The following KIAA0930 variants were observed in gnomAD, a reference collection of about 807,000 sequenced individuals.
The protein encoded by KIAA0930 is uncharacterized protein KIAA0930.
In KIAA0930, 24 loss-of-function variants were observed where a neutral mutation model predicts 43.9. The observed-to-expected ratio is 0.55, with a 90% CI of 0.40 to 0.77. The LOEUF is 0.77. Ranked by LOEUF, KIAA0930 falls within the 30% of genes least tolerant of loss-of-function variation. KIAA0930 has a pLI of 0.00. For synonymous variants in KIAA0930, 259 were observed against 216.4 expected, an observed-to-expected ratio of 1.20 and a Z score of -1.73; for missense variants, 461 against 574.2, an observed-to-expected ratio of 0.80 and a Z score of 2.02.
intron 1 of KIAA0930, chr22:45,235,475 GC>G (rs1237979493): frequency 6.6e-6 from 1 of 152,362 alleles, no homozygotes; most frequent in Non-Finnish European, 1.5e-5. Flanking sequence ...CTGCTGCCAT[GC>G]CACACGGCCA....
At chr22:45,210,025 C>T (rs545459562) in intron 2 of KIAA0930, among the ~76,000 whole-genome samples, 18 of 152,308 alleles carry the variant, frequency 1.2e-4, no homozygotes, top group Non-Finnish European at 1.6e-4. Context: ...CCCCCTACCC[C>T]GGCCTATCCA....
chr22:45,202,013 A>T (rs1042193342), intron 7 of KIAA0930, among the ~76,000 whole-genome samples: 1 of 152,260 alleles, frequency 6.6e-6, no homozygotes, highest in Non-Finnish European at 1.5e-5. Context: ...AGGAGCAGGT[A>T]TCCTCGTGCC....
chr22:45,197,610 C>T (rs1340206716), intron 9 of KIAA0930, among the ~76,000 whole-genome samples, 180 bp downstream of exon 9: 1 of 152,194 alleles, frequency 6.6e-6, no homozygotes, highest in Non-Finnish European at 1.5e-5. Flanking sequence ...GACTTCAGCT[C>T]TGGGAAAGCT....
intron 2 of KIAA0930, among the ~76,000 whole-genome samples, chr22:45,208,780 C>T (rs2083665090): frequency 6.6e-6 from 1 of 152,238 alleles, no homozygotes; most frequent in Non-Finnish European, 1.5e-5. Flanking sequence ...AGACTGGGGA[C>T]AGGGCTTCGC....
At position 45,194,237 on chromosome 22, in the gene KIAA0930, G is replaced by A. The variant is rs903086475; in HGVS notation, c.*2939C>T. The A allele has an allele frequency of 1.3e-5, 2 of 151,478 alleles. No homozygotes were observed. The highest frequency in any genetic ancestry group is 4.9e-5 in the African/African-American group (2 of 41,150). 9.4% of individuals were successfully genotyped at this position (151,478 alleles called of 1,614,324 possible). On this transcript the variant is annotated 3_prime_UTR_variant, in exon 10 of 10. Transcript: ENST00000336156. ...TTACAGGTGCCTGCCACCATGTCCA[G>A]CTAATTTTTCTATCTTTAGTAGACA...
intron 1 of KIAA0930, among the ~76,000 whole-genome samples, chr22:45,238,543 G>C (rs533170769): frequency 6.6e-6 from 1 of 152,188 alleles, no homozygotes; most frequent in Admixed American, 6.5e-5. Flanking sequence ...AAGAGTTCCC[G>C]GAGAGGCAAC....
chr22:45,199,384 C>G (rs78963667), intron 8 of KIAA0930, among the ~76,000 whole-genome samples: 20,813 of 152,116 alleles, frequency 0.14, 1,642 homozygotes, highest in Non-Finnish European at 0.18. Context: ...GTAGGCTGCA[C>G]GAGGTGGCGA....
chr22:45,205,770 G>GCGGGCCCC, intron 3 of KIAA0930, 23 bp downstream of exon 3: 1 of 1,523,784 alleles, frequency 6.6e-7, no homozygotes, highest in Non-Finnish European at 9.1e-7. Flanking sequence ...CCAATCCGCA[G>GCGGGCCCC]CCCCACCCAT....
chr22:45,207,030 G>A (rs577513800), intron 2 of KIAA0930, among the ~76,000 whole-genome samples: 5 of 149,852 alleles, frequency 3.3e-5, no homozygotes, highest in African/African-American at 4.9e-5. Flanking sequence ...GTTTTGAGAC[G>A]GAGTCTCGCT....
intron 1 of KIAA0930, among the ~76,000 whole-genome samples, chr22:45,234,773 C>T (rs1261797637): frequency 2.0e-5 from 3 of 152,198 alleles, no homozygotes; most frequent in Non-Finnish European, 4.4e-5. Context: ...ACCCAACTCT[C>T]GAGCAGGCAT....
chr22:45,212,233 G>A (rs755523677), intron 1 of KIAA0930, 126 bp from the exon 2 acceptor site: 26 of 1,612,372 alleles, frequency 1.6e-5, no homozygotes, highest in African/African-American at 5.3e-5. Context: ...TCTGAGATGC[G>A]CCACCCTTCC....
intron 1 of KIAA0930, chr22:45,226,044 C>A (rs1301896868): frequency 6.1e-6 from 2 of 325,978 alleles, no homozygotes; most frequent in East Asian, 1.6e-4. Context: ...CGGGGCCCAG[C>A]GCAGGGCAGT....
At chr22:45,212,444 C>T in intron 1 of KIAA0930, 1 of 1,478,744 alleles carries the variant, frequency 6.8e-7, no homozygotes, top group South Asian at 1.3e-5. Context: ...CACTGGCTGG[C>T]TGGTGTCTGG....
intron 9 of KIAA0930, 92 bp from the exon 10 acceptor site, chr22:45,197,308 G>GC: frequency 4.3e-6 from 5 of 1,161,548 alleles, no homozygotes; most frequent in Non-Finnish European, 6.1e-6. Flanking sequence ...AAGGAAGCCC[G>GC]CCTCAGCCAC....
chr22:45,201,605 A>C lies in KIAA0930; in HGVS notation c.852+1385T>G, dbSNP rs9626653. On this transcript the variant is annotated intron_variant, in intron 7 of 9. Coordinates refer to ENST00000336156, the MANE Select transcript of KIAA0930 (RefSeq NM_001009880.2). The stretch of plus-strand genomic sequence containing the variant: ...ACCAGGGAGAAGAACCAGGCCCTTT[A>C]TCTCGGAAACAAACTCAGAAATATA... Among the ~76,000 whole-genome samples, 1,068 of 152,354 alleles carry C rather than the reference A, an allele frequency of 7.0e-3. 9 individuals carry two copies. Among genetic ancestry groups the C allele is most frequent in the African/African-American group, 0.024 (999 of 41,570 alleles).
chr22:45,213,471 C>T, intron 1 of KIAA0930: 1 of 1,220,188 alleles, frequency 8.2e-7, no homozygotes, highest in Non-Finnish European at 1.1e-6. Flanking sequence ...GCAAGACCTC[C>T]CAGGCTCACA....
intron 9 of KIAA0930, 149 bp downstream of exon 9, chr22:45,197,641 A>T: frequency 1.3e-6 from 1 of 763,484 alleles, no homozygotes; most frequent in Non-Finnish European, 2.1e-6. Context: ...CCAAAGTCTG[A>T]GACAAAGAGG....
At chr22:45,204,080 AC>A in intron 5 of KIAA0930, 95 bp from the exon 6 acceptor site, 1 of 1,535,216 alleles carries the variant, frequency 6.5e-7, no homozygotes. Flanking sequence ...TGCTCAGAAA[AC>A]CCCATTTTGC....
At chr22:45,225,471 A>T (rs1055141414) in intron 1 of KIAA0930, among the ~76,000 whole-genome samples, 1 of 152,134 alleles carries the variant, frequency 6.6e-6, no homozygotes, top group South Asian at 2.1e-4. Flanking sequence ...CTTACCAGGC[A>T]AGCCAGGCTC....
Sources: allele counts gnomAD v4.1 joint callset (sites outside exome capture counted in the v4.1 genomes callset), GRCh38; gene constraint gnomAD v4.1.1; transcripts MANE v1.5; gene names NCBI Gene and HGNC (gene_info 2026-07-23, HGNC 2026-07-21).